The following PCDHGB7 variants were observed in gnomAD, a reference collection of about 807,000 sequenced individuals.
PCDHGB7 encodes the protein protocadherin gamma-B7.
Under a neutral mutation model 61.4 loss-of-function variants are expected in PCDHGB7, and 37 were observed. The observed-to-expected ratio is 0.60, with a 90% CI of 0.46 to 0.79. The LOEUF (loss-of-function observed/expected upper bound fraction) is 0.79. PCDHGB7 is among the 30% of genes least tolerant of loss of function. The pLI is 0.00. For missense variants in PCDHGB7, 1,166 were observed against 1,202.5 expected (o/e 0.97, Z 0.45); for synonymous variants, 464 against 503.5 (o/e 0.92, Z 1.05).
At chr5:141,434,392 CA>C (rs1377925864) in intron 1 of PCDHGB7, among the ~76,000 whole-genome samples, 2 of 152,210 alleles carry the variant, frequency 1.3e-5, no homozygotes, top group Non-Finnish European at 2.9e-5. Context: ...TGGCCATAAA[CA>C]AAATCTCTGC....
Position 141,477,140 on chromosome 5 carries a change from G to GT in PCDHGB7, c.2416-17665dup. ...AGCACATTGCAAAGTGTTGGTGGAG[G>GT]TTGTGGATGTGAATGACAACGCCCC... On this transcript the variant is annotated intron_variant, in intron 1 of 3. Transcript: ENST00000398594. The surrounding 1 kb of genome is among the most constrained non-coding windows in gnomAD (Gnocchi z 4.9). 1 of 1,614,220 alleles carries GT rather than the reference G, an allele frequency of 6.2e-7. No homozygotes were observed. Among genetic ancestry groups the GT allele is most frequent in the Non-Finnish European group, 8.5e-7 (1 of 1,180,048 alleles).
intron 1 of PCDHGB7, among the ~76,000 whole-genome samples, chr5:141,438,872 G>T (rs13178044): frequency 0.11 from 16,734 of 151,118 alleles, 1,094 homozygotes; most frequent in African/African-American, 0.17. Flanking sequence ...CATCAAGTTG[G>T]CCAGGCTGCT....
chr5:141,486,083 C>T lies in PCDHGB7; in HGVS notation c.2416-8724C>T, dbSNP rs367657659. On this transcript the variant is annotated intron_variant, in intron 1 of 3. Coordinates refer to ENST00000398594, the MANE Select transcript of PCDHGB7 (RefSeq NM_018927.4). This position sits in a 1 kb window ranked among gnomAD's most constrained non-coding sequence, Gnocchi z 5.0. ...GCACCCCACTACTGGAAAGCTTACTCTTTTGGGGCCCCTAGACTTTGAGAG... is the reference window on the plus strand; with the variant it reads ...GCACCCCACTACTGGAAAGCTTACTTTTTTGGGGCCCCTAGACTTTGAGAG... The T allele has an allele frequency of 1.2e-6, 2 of 1,614,062 alleles. No individual in the cohort carries two copies. Among genetic ancestry groups the T allele is most frequent in the Non-Finnish European group, 1.7e-6 (2 of 1,180,040 alleles).
chr5:141,482,981 A>C (rs1377809325), intron 1 of PCDHGB7, among the ~76,000 whole-genome samples: 1 of 150,250 alleles, frequency 6.7e-6, no homozygotes, highest in Non-Finnish European at 1.5e-5. Context: ...GCTACTTGAG[A>C]GGTCGAGGCA....
chr5:141,505,255 C>T (rs2099844853), intron 2 of PCDHGB7, 138 bp from the exon 3 acceptor site: 1 of 1,481,112 alleles, frequency 6.8e-7, no homozygotes, highest in Admixed American at 2.1e-5. Context: ...AGAAGTGCCT[C>T]CTACCTTGCT....
chr5:141,476,229 C>A lies in PCDHGB7; in HGVS notation c.2416-18578C>A, dbSNP rs761790915. The A allele has an allele frequency of 1.9e-6, 3 of 1,613,872 alleles. No homozygotes were observed. The South Asian group carries it at 3.3e-5, about 18-fold the overall frequency. ...TCCACGGTCATTCACTATGAGATCC[C>A]GGAGGAAAGAGAGAAGGGTTTCGCT... On this transcript the variant is annotated intron_variant, in intron 1 of 3. Transcript: ENST00000398594. This position sits in a 1 kb window ranked among gnomAD's most constrained non-coding sequence, Gnocchi z 7.6.
At chr5:141,427,602 A>G (rs1415454468) in intron 1 of PCDHGB7, 1 of 685,668 alleles carries the variant, frequency 1.5e-6, no homozygotes, top group Non-Finnish European at 2.7e-6. Flanking sequence ...CACCCTACGC[A>G]TTGGTGAAGT....
chr5:141,476,438 C>G lies in PCDHGB7; in HGVS notation c.2416-18369C>G. On this transcript the variant is annotated intron_variant, in intron 1 of 3. Coordinates refer to ENST00000398594, the MANE Select transcript of PCDHGB7 (RefSeq NM_018927.4). This position sits in a 1 kb window ranked among gnomAD's most constrained non-coding sequence, Gnocchi z 7.6. The stretch of plus-strand genomic sequence containing the variant: ...GACACTGCCCTCTTGCACTGTAACT[C>G]TGGAGTTGGTAGTGGAGAACCCGCT... 1 of 1,614,090 alleles carries G rather than the reference C, an allele frequency of 6.2e-7. No homozygotes were observed. Among genetic ancestry groups the G allele is most frequent in the Non-Finnish European group, 8.5e-7 (1 of 1,180,026 alleles).
intron 1 of PCDHGB7, among the ~76,000 whole-genome samples, chr5:141,471,996 G>A (rs2099268647): frequency 6.6e-6 from 1 of 152,006 alleles, no homozygotes; most frequent in Admixed American, 6.6e-5. Context: ...AAAAATCCCT[G>A]CATCGTATAG....
intron 1 of PCDHGB7, among the ~76,000 whole-genome samples, chr5:141,479,135 G>C (rs1236040845): frequency 6.6e-6 from 1 of 152,126 alleles, no homozygotes; most frequent in East Asian, 1.9e-4. Flanking sequence ...TGTGCACCCT[G>C]CTTACAAAAT....
At chr5:141,465,047 T>C (rs2099095978) in intron 1 of PCDHGB7, among the ~76,000 whole-genome samples, 1 of 152,088 alleles carries the variant, frequency 6.6e-6, no homozygotes, top group Non-Finnish European at 1.5e-5. Context: ...TGACCCTATA[T>C]ATTTTTTTGA....
intron 1 of PCDHGB7, chr5:141,433,260 C>A: frequency 1.5e-6 from 2 of 1,352,308 alleles, no homozygotes; most frequent in South Asian, 1.4e-5. Flanking sequence ...GCGGTACGAT[C>A]ATAGCTCACT....
At chr5:141,420,558 C>T (rs1373350109) in intron 1 of PCDHGB7, 1 of 248,240 alleles carries the variant, frequency 4.0e-6, no homozygotes, top group Non-Finnish European at 7.5e-6. Flanking sequence ...TATATTTTTA[C>T]GGCATGGTAT....
chr5:141,507,849 C>CA (rs2099864208), intron 3 of PCDHGB7, among the ~76,000 whole-genome samples: 1 of 152,222 alleles, frequency 6.6e-6, no homozygotes, highest in African/African-American at 2.4e-5. Flanking sequence ...GCCCTGCTCT[C>CA]ACTTTCACAC....
intron 1 of PCDHGB7, chr5:141,433,151 G>T (rs2097572071): frequency 1.2e-6 from 2 of 1,614,006 alleles, no homozygotes; most frequent in African/African-American, 1.3e-5. Context: ...AGGTGATTCG[G>T]TATTTTCTAA....
intron 1 of PCDHGB7, chr5:141,423,722 G>T: frequency 1.0e-6 from 1 of 954,174 alleles, no homozygotes; most frequent in Non-Finnish European, 1.3e-6. Flanking sequence ...TTAAGGAGAT[G>T]TTTTTTGAGC....
chr5:141,510,428 G>A (rs1254357998), intron 3 of PCDHGB7, among the ~76,000 whole-genome samples: 2 of 152,092 alleles, frequency 1.3e-5, no homozygotes, highest in African/African-American at 4.8e-5. Flanking sequence ...TGGTTTCATG[G>A]CTGCTGCCCT....
Position 141,418,669 on chromosome 5 carries a change from C to G in PCDHGB7, c.810C>G (p.Asp270Glu). 6.2e-7 allele frequency: 1 copy of G among 1,614,018 alleles called. No homozygotes were observed. Among genetic ancestry groups the G allele is most frequent in the Non-Finnish European group, 8.5e-7 (1 of 1,179,868 alleles). ...TGAGAGTGAAGGCCACTGACCAGGA[C>G]GAGGGCATCAACTCAGAGATCACTT... is the stretch of plus-strand genomic sequence containing the variant. ...SILRVKATDQ[D>E]EGINSEITYS... Residue 270 changes from aspartate (D) to glutamate (E), a missense_variant, in exon 1 of 4, where the codon GAC becomes GAG. Coordinates refer to ENST00000398594, the MANE Select transcript of PCDHGB7 (RefSeq NM_018927.4).
In PCDHGB7 at chr5:141,489,739, G is replaced by A; in HGVS notation, c.2416-5068G>A. On this transcript the variant is annotated intron_variant, in intron 1 of 3. Transcript: ENST00000398594. The surrounding 1 kb of genome is among the most constrained non-coding windows in gnomAD (Gnocchi z 4.5). Reference sequence around the variant, plus strand: ...GGATCCGGATGTGGGCACCAATACTGTGAGCTTTTACACTCTAAGCCCCAA... The same window carrying A: ...GGATCCGGATGTGGGCACCAATACTATGAGCTTTTACACTCTAAGCCCCAA... 3 of 1,614,170 alleles carry A rather than the reference G, an allele frequency of 1.9e-6. No homozygotes were observed. The highest frequency in any genetic ancestry group is 2.2e-5 in the South Asian group (2 of 91,076).
Sources: allele counts gnomAD v4.1 joint callset (sites outside exome capture counted in the v4.1 genomes callset), GRCh38; gene constraint gnomAD v4.1.1; non-coding constraint Gnocchi (gnomAD v3.1); transcripts MANE v1.5; gene names NCBI Gene and HGNC (gene_info 2026-07-23, HGNC 2026-07-21).